DLG2: variants seen among roughly 807,000 people sequenced by gnomAD.
DLG2 encodes disks large homolog 2.
DLG2 carries 45 observed loss-of-function variants against 132.5 expected under a neutral mutation model. The ratio of observed to expected loss-of-function variants is 0.34; its 90% CI spans 0.27 to 0.44. The LOEUF is 0.44. Ranked by LOEUF, DLG2 falls within the 20% of genes least tolerant of loss-of-function variation. The probability of loss-of-function intolerance (pLI) is 1.00; values close to 1 mark genes in which losing one functional copy is unlikely to be tolerated. For missense variants in DLG2, 1,045 were observed against 1,196.9 expected (o/e 0.87, Z 1.87); for synonymous variants, 424 against 419.6 (o/e 1.01, Z -0.13).
At chr11:85,343,255 C>T (rs2082618236) in intron 3 of DLG2, among the ~76,000 whole-genome samples, 1 of 152,072 alleles carries the variant, frequency 6.6e-6, no homozygotes, top group Non-Finnish European at 1.5e-5. Context: ...TCCCAGGAGA[C>T]AGCCTTGCTG....
intron 21 of DLG2, among the ~76,000 whole-genome samples, chr11:83,508,488 C>G (rs1405903456): frequency 6.8e-6 from 1 of 148,000 alleles, no homozygotes; most frequent in Non-Finnish European, 1.5e-5. Flanking sequence ...CATGATCCAC[C>G]TGCCTTGGCC....
intron 3 of DLG2, among the ~76,000 whole-genome samples, chr11:85,514,897 C>G (rs1297752969): frequency 6.6e-6 from 1 of 151,840 alleles, no homozygotes; most frequent in Non-Finnish European, 1.5e-5. Flanking sequence ...AATTATTTCA[C>G]TGGAGGAAAA....
intron 3 of DLG2, among the ~76,000 whole-genome samples, chr11:85,427,315 A>G (rs1425952028): frequency 1.3e-5 from 2 of 152,196 alleles, no homozygotes; most frequent in Non-Finnish European, 1.5e-5. Context: ...ACTCCAAGAC[A>G]CATAATTGTC....
intron 10 of DLG2, among the ~76,000 whole-genome samples, chr11:84,065,912 A>G (rs1236214988): frequency 2.0e-5 from 3 of 152,198 alleles, no homozygotes; most frequent in Non-Finnish European, 4.4e-5. Context: ...CATGTCCTTT[A>G]CAGCAACACA....
In DLG2 at chr11:84,674,985, T is replaced by C. The variant is rs146281240; in HGVS notation, c.358-140254A>G. Reference sequence around the variant, plus strand: ...GTATTGTGGGAAAATCCTGGATTTATGGAGTTTCCCTAACAGAGAACTTTT... The same window carrying C: ...GTATTGTGGGAAAATCCTGGATTTACGGAGTTTCCCTAACAGAGAACTTTT... On this transcript the variant is annotated intron_variant, in intron 6 of 27. Transcript: ENST00000376104. 2.6e-4 allele frequency among the ~76,000 whole-genome samples: 39 copies of C among 152,252 alleles called. No individual in the cohort carries two copies. The East Asian group carries it at 7.0e-3, about 27-fold the overall frequency.
chr11:84,102,348 A>G (rs1436187078), intron 9 of DLG2, among the ~76,000 whole-genome samples: 1 of 152,228 alleles, frequency 6.6e-6, no homozygotes, highest in African/African-American at 2.4e-5. Context: ...GACAATAAAT[A>G]CTTGATGAAT....
At chr11:84,402,488 G>C (rs1364800885) in intron 7 of DLG2, among the ~76,000 whole-genome samples, 1 of 151,908 alleles carries the variant, frequency 6.6e-6, no homozygotes, top group East Asian at 1.9e-4. Context: ...TACAAATCCA[G>C]GGCTTTTTCC....
chr11:83,825,468 A>C (rs1476170867), intron 17 of DLG2, among the ~76,000 whole-genome samples: 1 of 152,024 alleles, frequency 6.6e-6, no homozygotes, highest in Non-Finnish European at 1.5e-5. Flanking sequence ...GGTGTGAGCC[A>C]CTGTGCCCGG....
chr11:85,408,225 T>C (rs1040961712), intron 3 of DLG2, among the ~76,000 whole-genome samples: 1 of 149,912 alleles, frequency 6.7e-6, no homozygotes, highest in East Asian at 1.9e-4. Context: ...TTTCTTTTTT[T>C]AATTCAAAAT....
At chr11:83,668,191 T>C (rs973280072) in intron 18 of DLG2, among the ~76,000 whole-genome samples, 1 of 151,882 alleles carries the variant, frequency 6.6e-6, no homozygotes, top group African/African-American at 2.4e-5. Flanking sequence ...GTGGTGGATA[T>C]TGAAGCAGGG....
intron 6 of DLG2, among the ~76,000 whole-genome samples, chr11:84,681,862 C>T (rs549745988): frequency 1.3e-5 from 2 of 151,604 alleles, no homozygotes; most frequent in East Asian, 1.9e-4. Context: ...TCTTTGCTGA[C>T]TTTTAGGCCT....
chr11:84,613,154 A>G (rs545938137), intron 6 of DLG2, among the ~76,000 whole-genome samples: 2 of 152,266 alleles, frequency 1.3e-5, no homozygotes, highest in East Asian at 3.9e-4. Flanking sequence ...CAACACTATC[A>G]GGACAACGGC....
At chr11:83,786,262 C>T (rs2039912744) in intron 18 of DLG2, among the ~76,000 whole-genome samples, 1 of 152,088 alleles carries the variant, frequency 6.6e-6, no homozygotes, top group South Asian at 2.1e-4. Context: ...CAAGCACCCC[C>T]AAAAGCCATG....
intron 10 of DLG2, among the ~76,000 whole-genome samples, chr11:84,084,769 A>T (rs564553503): frequency 7.9e-5 from 12 of 152,198 alleles, no homozygotes; most frequent in African/African-American, 2.9e-4. Context: ...ATTTTCTGGG[A>T]TATAGTTTAA....
At chr11:84,285,661 C>T (rs897366801) in intron 7 of DLG2, among the ~76,000 whole-genome samples, 1 of 152,126 alleles carries the variant, frequency 6.6e-6, no homozygotes, top group African/African-American at 2.4e-5. Context: ...TGACCTAATG[C>T]CCCCTAGGGA....
At chr11:84,807,062 G>A (rs1598548782) in intron 6 of DLG2, among the ~76,000 whole-genome samples, 1 of 151,982 alleles carries the variant, frequency 6.6e-6, no homozygotes, top group Non-Finnish European at 1.5e-5. Flanking sequence ...AAAATAAAAC[G>A]GGATTGCAAA....
At chr11:85,616,149 T>G (rs1337061717) in intron 2 of DLG2, among the ~76,000 whole-genome samples, 1 of 152,182 alleles carries the variant, frequency 6.6e-6, no homozygotes, top group Non-Finnish European at 1.5e-5. Flanking sequence ...TACTGCACTA[T>G]GATGCCATTC....
chr11:84,532,928 T>C (rs2099346342), intron 7 of DLG2, among the ~76,000 whole-genome samples: 1 of 152,148 alleles, frequency 6.6e-6, no homozygotes, highest in Non-Finnish European at 1.5e-5. Context: ...AGAGTAAGGA[T>C]CAGCAATTGT....
intron 6 of DLG2, among the ~76,000 whole-genome samples, chr11:84,822,448 G>C (rs2077813768): frequency 1.3e-5 from 2 of 151,782 alleles, no homozygotes; most frequent in African/African-American, 2.4e-5. Context: ...ATGTGATAAA[G>C]CACTAAACTC....
Sources: allele counts gnomAD v4.1 joint callset (sites outside exome capture counted in the v4.1 genomes callset), GRCh38; gene constraint gnomAD v4.1.1; transcripts MANE v1.5; gene names NCBI Gene and HGNC (gene_info 2026-07-23, HGNC 2026-07-21).